The following SH3BGR variants were observed in gnomAD, a reference collection of about 807,000 sequenced individuals.
SH3BGR encodes the protein SH3 domain-binding glutamic acid-rich protein.
SH3BGR carries 29 observed loss-of-function variants against 24.5 expected under a neutral mutation model. That is an observed-to-expected ratio of 1.18 (90% CI 0.88 to 1.61). The LOEUF is 1.61. Among genes scored for constraint, SH3BGR ranks in the 40% most tolerant of loss-of-function variants. The pLI is 0.00. For synonymous variants in SH3BGR, 55 were observed against 65.7 expected, an observed-to-expected ratio of 0.84 and a Z score of 0.79; for missense variants, 162 against 205.8, an observed-to-expected ratio of 0.79 and a Z score of 1.30.
intron 4 of SH3BGR, among the ~76,000 whole-genome samples, chr21:39,503,771 C>T (rs1184220034): frequency 1.3e-5 from 2 of 152,154 alleles, no homozygotes; most frequent in Non-Finnish European, 1.5e-5. Context: ...GACAAGATGC[C>T]AAGATGTAAA....
intron 5 of SH3BGR, among the ~76,000 whole-genome samples, chr21:39,510,021 C>T (rs1489021589): frequency 7.8e-6 from 1 of 127,764 alleles, no homozygotes; most frequent in Non-Finnish European, 1.6e-5. Context: ...CGGCTCACTG[C>T]AAGCTCCGCC....
At chr21:39,481,259 A>G (rs1374035669) in intron 3 of SH3BGR, among the ~76,000 whole-genome samples, 1 of 152,222 alleles carries the variant, frequency 6.6e-6, no homozygotes, top group Non-Finnish European at 1.5e-5. Context: ...GAGCCCAGGC[A>G]TTTGTGACCT....
At chr21:39,449,458 G>A (rs762224174), upstream of SH3BGR, among the ~76,000 whole-genome samples, 1 of 152,096 alleles carries the variant, frequency 6.6e-6, no homozygotes, top group Non-Finnish European at 1.5e-5. Context: ...TTTCTGAAGT[G>A]GATTTTGTAA....
At chr21:39,510,946 T>TAC (rs1555915482) in intron 5 of SH3BGR, among the ~76,000 whole-genome samples, 5 of 139,594 alleles carry the variant, frequency 3.6e-5, no homozygotes, top group African/African-American at 7.8e-5. Context: ...TATATATATA[T>TAC]ACTTTCTGAA....
At chr21:39,495,204 T>G (rs1290945390) in intron 3 of SH3BGR, among the ~76,000 whole-genome samples, 1 of 152,224 alleles carries the variant, frequency 6.6e-6, no homozygotes, top group East Asian at 1.9e-4. Context: ...CTTCATTGGT[T>G]GTTTTTTTCT....
intron 3 of SH3BGR, among the ~76,000 whole-genome samples, chr21:39,482,724 C>T (rs1006208921): frequency 6.6e-6 from 1 of 151,906 alleles, no homozygotes; most frequent in Non-Finnish European, 1.5e-5. Context: ...GGCTGGAATG[C>T]GGTTGCGCAG....
intron 3 of SH3BGR, among the ~76,000 whole-genome samples, chr21:39,493,070 C>G (rs1045845487): frequency 3.9e-5 from 6 of 152,154 alleles, no homozygotes; most frequent in African/African-American, 1.4e-4. Flanking sequence ...TGTGGGTTGT[C>G]TGTTTACTAT....
rs62222773 is a variant in SH3BGR, at chr21:39,504,726, C to T, written c.406-4272C>T. On this transcript the variant is annotated intron_variant, in intron 4 of 6. Coordinates refer to ENST00000333634, the MANE Select transcript of SH3BGR (RefSeq NM_007341.3). ...TTTTGTGCCTATAATTACTTGCCAG[C>T]CGTGAAAGTCAATTCAAGCATTTTA... 5.4e-3 allele frequency among the ~76,000 whole-genome samples: 826 copies of T among 152,226 alleles called. 4 individuals are homozygous for T. Among genetic ancestry groups the T allele is most frequent in the Non-Finnish European group, 8.9e-3 (606 of 68,018 alleles).
intron 2 of SH3BGR, among the ~76,000 whole-genome samples, chr21:39,468,574 G>T (rs2077882019): frequency 6.6e-6 from 1 of 152,092 alleles, no homozygotes; most frequent in Admixed American, 6.5e-5. Context: ...GAATAGCTGG[G>T]ACTATAGGTG....
chr21:39,465,730 A>G (rs762569182), intron 2 of SH3BGR, among the ~76,000 whole-genome samples: 1 of 152,088 alleles, frequency 6.6e-6, no homozygotes, highest in Non-Finnish European at 1.5e-5. Context: ...AGCTGGGACT[A>G]CAGGTGTGCA....
chr21:39,470,534 T>C (rs7283910), intron 2 of SH3BGR, among the ~76,000 whole-genome samples: 51,517 of 152,072 alleles, frequency 0.34, 9,277 homozygotes, highest in African/African-American at 0.43. Flanking sequence ...AGTGCTGGGA[T>C]GACAGATGTG....
rs1463997549 is a variant in SH3BGR, at chr21:39,511,212, G to C, written c.436-468G>C. Among the ~76,000 whole-genome samples the C allele has an allele frequency of 6.7e-6, 1 of 149,410 alleles. No homozygotes were observed. The highest frequency in any genetic ancestry group is 1.5e-5 in the Non-Finnish European group (1 of 67,088). On this transcript the variant is annotated intron_variant, in intron 5 of 6. Transcript: ENST00000333634. This position sits in a 1 kb window ranked among gnomAD's most constrained non-coding sequence, Gnocchi z 4.2. ...TGGTGTGTTTGGTGTGTGTGTGTGTGATGTGTGTTATGGTGTGTATGTTAT... is the reference window on the plus strand; with the variant it reads ...TGGTGTGTTTGGTGTGTGTGTGTGTCATGTGTGTTATGGTGTGTATGTTAT...
At chr21:39,471,667 G>T (rs2077943726) in intron 2 of SH3BGR, among the ~76,000 whole-genome samples, 2 of 151,750 alleles carry the variant, frequency 1.3e-5, no homozygotes, top group South Asian at 2.1e-4. Flanking sequence ...TTGCTATGTT[G>T]CCCAGGCTGG....
chr21:39,478,948 T>C (rs1359743721), intron 3 of SH3BGR, among the ~76,000 whole-genome samples: 1 of 152,256 alleles, frequency 6.6e-6, no homozygotes, highest in Non-Finnish European at 1.5e-5. Context: ...TTTTACATCT[T>C]CTTCAACTCA....
chr21:39,496,318 G>T (rs1047858950), intron 3 of SH3BGR, among the ~76,000 whole-genome samples: 4 of 151,762 alleles, frequency 2.6e-5, no homozygotes, highest in Admixed American at 2.6e-4. Context: ...GGCTAACAAG[G>T]TGAAACCCCG....
intron 1 of SH3BGR, among the ~76,000 whole-genome samples, chr21:39,459,133 C>T (rs1194278045): frequency 1.3e-5 from 2 of 151,652 alleles, no homozygotes; most frequent in African/African-American, 4.8e-5. Context: ...CAATAAATAA[C>T]TGTTGATTGA....
At chr21:39,502,007 T>C (rs898237720) in intron 4 of SH3BGR, among the ~76,000 whole-genome samples, 2 of 152,330 alleles carry the variant, frequency 1.3e-5, no homozygotes, top group East Asian at 1.9e-4. Flanking sequence ...ACCCCGTCTC[T>C]ACTAAAAATA....
At position 39,515,181 on chromosome 21, in the gene SH3BGR, T is replaced by G. The variant is rs2078760264; in HGVS notation, c.*128T>G. 1 of 467,448 alleles carries G rather than the reference T, an allele frequency of 2.1e-6. No homozygotes were observed. Among genetic ancestry groups the G allele is most frequent in the Non-Finnish European group, 4.4e-6 (1 of 225,464 alleles). 29.0% of individuals were successfully genotyped at this position (467,448 alleles called of 1,614,324 possible). A position where few individuals can be genotyped will look rare whatever the true frequency, so the allele number is the denominator to read the frequency against. On this transcript the variant is annotated 3_prime_UTR_variant, in exon 7 of 7. Transcript: ENST00000333634. ...TTGAAGCCGGCACACCCAGGGTTAC[T>G]GAGGACTTATGCTGCCTGACCTGGT...
At chr21:39,461,966 A>C (rs1377737558) in intron 1 of SH3BGR, among the ~76,000 whole-genome samples, 1 of 152,030 alleles carries the variant, frequency 6.6e-6, no homozygotes, top group Non-Finnish European at 1.5e-5. Context: ...CTCCTGCCTC[A>C]GCCTCTCAAG....
Sources: allele counts gnomAD v4.1 joint callset (sites outside exome capture counted in the v4.1 genomes callset), GRCh38; gene constraint gnomAD v4.1.1; non-coding constraint Gnocchi (gnomAD v3.1); transcripts MANE v1.5; gene names NCBI Gene and HGNC (gene_info 2026-07-23, HGNC 2026-07-21).